The following N4BP2 variants were observed in gnomAD, a reference collection of about 807,000 sequenced individuals.
N4BP2 encodes the protein NEDD4-binding protein 2.
In N4BP2, 91 loss-of-function variants were observed where a neutral mutation model predicts 152.8. The observed-to-expected ratio is 0.60, with a 90% CI of 0.50 to 0.71. N4BP2 has a LOEUF of 0.71. Among genes scored for constraint, N4BP2 ranks in the 30% least tolerant of loss-of-function variants. N4BP2 has a pLI of 0.00. For missense variants in N4BP2, 1,923 were observed against 2,059.1 expected, an observed-to-expected ratio of 0.93 and a Z score of 1.28; for synonymous variants, 646 against 705.3, an observed-to-expected ratio of 0.92 and a Z score of 1.33.
the N4BP2 span, among the ~76,000 whole-genome samples, chr4:40,176,805 G>C: frequency 5.3e-5 from 8 of 152,218 alleles, no homozygotes; most frequent in Non-Finnish European, 1.2e-4. Context: ...AGTTCATGCT[G>C]TTTGCAGCAG....
chr4:40,129,834 AT>A, intron 12 of N4BP2, among the ~76,000 whole-genome samples: 1 of 152,246 alleles, frequency 6.6e-6, no homozygotes, highest in South Asian at 2.1e-4. Flanking sequence ...CTTTGTATAT[AT>A]TTTTTAAAGC....
chr4:40,119,508 T>A (rs758708120), intron 8 of N4BP2, among the ~76,000 whole-genome samples: 44 of 152,204 alleles, frequency 2.9e-4, no homozygotes, highest in Non-Finnish European at 5.0e-4. Context: ...TGGCCCTTTG[T>A]GACTTTGTAA....
chr4:40,121,312 A>C lies in N4BP2; in HGVS notation c.3201A>C (p.Pro1067=). 1 of 1,614,046 alleles carries C rather than the reference A, an allele frequency of 6.2e-7. No individual in the cohort carries two copies. The highest frequency in any genetic ancestry group is 1.3e-5 in the African/African-American group (1 of 75,066). The change falls in exon 9 of 18, where the codon CCA becomes CCC. Residue 1067 remains proline, a synonymous_variant. Transcript: ENST00000261435. The part of the protein sequence containing the change: ...NTKSDVQEAI[P]YRVMYDKSTF... Reference sequence around the variant, plus strand: ...AATCAGACGTTCAAGAAGCAATTCCATATAGAGTAATGTATGATAAAAGCA... The same window carrying C: ...AATCAGACGTTCAAGAAGCAATTCCCTATAGAGTAATGTATGATAAAAGCA...
the N4BP2 span, among the ~76,000 whole-genome samples, chr4:40,172,190 C>G: frequency 1.3e-5 from 2 of 152,156 alleles, no homozygotes; most frequent in Non-Finnish European, 2.9e-5. Flanking sequence ...CTGGAATTTA[C>G]TGGTGTGAGC....
At chr4:40,136,829 A>G in intron 13 of N4BP2, 115 bp from the exon 14 acceptor site, 1 of 740,642 alleles carries the variant, frequency 1.4e-6, no homozygotes, top group East Asian at 2.7e-5. Flanking sequence ...TTGAAAACTT[A>G]AAAGTAAGCC....
chr4:40,082,704 C>CT lies in N4BP2; in HGVS notation c.-115+9167dup, dbSNP rs573692053. 2.2e-3 allele frequency among the ~76,000 whole-genome samples: 311 copies of CT among 143,184 alleles called. 1 individual carries two copies. The highest frequency in any genetic ancestry group is 0.02 in the East Asian group (100 of 4,948). 93.9% of individuals were successfully genotyped at this position (143,184 alleles called of 152,430 possible). A position where few individuals can be genotyped will look rare whatever the true frequency, so the allele number is the denominator to read the frequency against. The stretch of plus-strand genomic sequence containing the variant: ...CTGGTGCTTAACCACAGGCTGTATT[C>CT]TTTTTTTTTTTTTTGAGACAGAGTC... On this transcript the variant is annotated intron_variant, in intron 2 of 17. Coordinates refer to ENST00000261435, the MANE Select transcript of N4BP2 (RefSeq NM_018177.6).
At chr4:40,117,762 T>C (rs1244942211) in intron 7 of N4BP2, 107 bp from the exon 8 acceptor site, 3 of 873,574 alleles carry the variant, frequency 3.4e-6, no homozygotes, top group South Asian at 2.5e-5. Context: ...AGCTTTGATA[T>C]TCGTATCTAT....
the N4BP2 span, among the ~76,000 whole-genome samples, chr4:40,170,074 G>C: frequency 6.6e-6 from 1 of 151,584 alleles, no homozygotes; most frequent in East Asian, 1.9e-4. Flanking sequence ...TGAAAAAAGA[G>C]AAACGTCTTA....
rs1263217788 is a variant in N4BP2, at chr4:40,121,335, G to A, written c.3224G>A (p.Ser1075Asn). The A allele has an allele frequency of 6.2e-7, 1 of 1,613,852 alleles. No homozygotes were observed. Among genetic ancestry groups the A allele is most frequent in the Admixed American group, 1.7e-5 (1 of 59,916 alleles). ...CCATATAGAGTAATGTATGATAAAA[G>A]CACGTTTGTTGAAGAAAGTGAGCTT... The part of the protein sequence containing the change: ...AIPYRVMYDK[S>N]TFVEESELTS... The change falls in exon 9 of 18, where the codon AGC becomes AAC. Residue 1075 changes from serine to asparagine, a missense_variant. Transcript: ENST00000261435.
At position 40,122,233 on chromosome 4, in the gene N4BP2, C is replaced by T; in HGVS notation, c.4122C>T (p.Asp1374=). Residue 1374 remains aspartate, a synonymous_variant, in exon 9 of 18, where the codon GAC becomes GAT. Coordinates refer to ENST00000261435, the MANE Select transcript of N4BP2 (RefSeq NM_018177.6). ...TPAMAKSLTI[D]CLELALPPEL... is the part of the protein sequence containing the mutation. ...CGATGGCCAAATCTCTGACCATAGA[C>T]TGTCTGGAATTGGCATTACCCCCTG... 1 of 1,611,588 alleles carries T rather than the reference C, an allele frequency of 6.2e-7. No homozygotes were observed. Among genetic ancestry groups the T allele is most frequent in the South Asian group, 1.1e-5 (1 of 90,814 alleles).
At chr4:40,098,143 G>A (rs1715273085) in intron 3 of N4BP2, among the ~76,000 whole-genome samples, 1 of 152,190 alleles carries the variant, frequency 6.6e-6, no homozygotes, top group Admixed American at 6.5e-5. Context: ...CATAATAGGA[G>A]CTAAGTAAAT....
chr4:40,140,416 G>A (rs913922999), intron 14 of N4BP2, among the ~76,000 whole-genome samples: 3 of 152,142 alleles, frequency 2.0e-5, no homozygotes, highest in African/African-American at 4.8e-5. Context: ...TAATATGCAA[G>A]GCACTGTGAG....
At position 40,120,345 on chromosome 4, in the gene N4BP2, T is replaced by C; in HGVS notation, c.2234T>C (p.Leu745Pro). 1 of 1,612,774 alleles carries C rather than the reference T, an allele frequency of 6.2e-7. No homozygotes were observed. The highest frequency in any genetic ancestry group is 1.1e-5 in the South Asian group (1 of 90,960). ...EDCDLANSGP[L>P]QNEKSSPGEI... Reference sequence around the variant, plus strand: ...TGTGATCTTGCAAATAGTGGACCACTTCAAAATGAAAAATCCTCACCTGGT... The same window carrying C: ...TGTGATCTTGCAAATAGTGGACCACCTCAAAATGAAAAATCCTCACCTGGT... Residue 745 changes from leucine to proline, a missense_variant, in exon 9 of 18, where the codon CTT (leucine) becomes CCT (proline). Physicochemically the swap from Leu to Pro is moderately conservative, Grantham distance 98. Transcript: ENST00000261435.
At chr4:40,146,016 G>T (rs1008561757) in intron 16 of N4BP2, among the ~76,000 whole-genome samples, 1 of 151,948 alleles carries the variant, frequency 6.6e-6, no homozygotes, top group Non-Finnish European at 1.5e-5. Context: ...ACAAAAATTA[G>T]CCAGGCATGG....
chr4:40,161,585 A>G (rs1721861022), downstream of N4BP2, among the ~76,000 whole-genome samples: 1 of 152,190 alleles, frequency 6.6e-6, no homozygotes, highest in African/African-American at 2.4e-5. Flanking sequence ...ATGTGGTTGT[A>G]TTTTTAAAAG....
rs756794041 is a variant in N4BP2 at position 40,117,919 on chromosome 4, A to G, written c.1715A>G (p.His572Arg). The G allele has an allele frequency of 1.9e-6, 3 of 1,612,898 alleles. No homozygotes were observed. The highest frequency in any genetic ancestry group is 1.7e-5 in the Admixed American group (1 of 59,858). The change falls in exon 8 of 18, where the codon CAT becomes CGT. Residue 572 changes from histidine to arginine, a missense_variant. Physicochemically the swap from His to Arg is conservative, Grantham distance 29. Transcript: ENST00000261435. ...SKEKITRMLE[H>R]YQRFVSVPII... is the part of the protein sequence containing the mutation. Reference sequence around the variant, plus strand: ...GAAAAAATAACAAGAATGTTGGAACATTATCAACGTTTTGTTTCAGTGCCA... The same window carrying G: ...GAAAAAATAACAAGAATGTTGGAACGTTATCAACGTTTTGTTTCAGTGCCA...
chr4:40,083,882 T>G lies in N4BP2; in HGVS notation c.-115+10331T>G, dbSNP rs570058116. ...AGTAGAAATTTGGGAGCTCCCACAC[T>G]TAAAACCAATCCACGACGCTACCTT... On this transcript the variant is annotated intron_variant, in intron 2 of 17. Coordinates refer to ENST00000261435, the MANE Select transcript of N4BP2 (RefSeq NM_018177.6). 1.9e-4 allele frequency among the ~76,000 whole-genome samples: 29 copies of G among 152,274 alleles called. No individual in the cohort carries two copies. The South Asian group carries it at 5.6e-3, about 29-fold the overall frequency.
chr4:40,157,580 C>T lies in N4BP2; in HGVS notation c.*3343C>T, dbSNP rs190216054. 42 of 152,098 alleles carry T rather than the reference C, an allele frequency of 2.8e-4. No individual in the cohort carries two copies. The highest frequency in any genetic ancestry group is 9.9e-4 in the African/African-American group (41 of 41,524). The allele number at this position is 152,098 out of a possible 1,614,324, so 9.4% of individuals were successfully genotyped here. ...AACTGCTCTCAATTTAAGAAAATGA[C>T]GAAATGTATAAAAAAGACAAAAATA... On this transcript the variant is annotated 3_prime_UTR_variant, in exon 18 of 18. Transcript: ENST00000261435.
In N4BP2 at chr4:40,106,983, T is replaced by C. The variant is rs372792952; in HGVS notation, c.1457T>C (p.Val486Ala). Reference sequence around the variant, plus strand: ...ATAAATGGACAGTACCAGTTTGATGTAAAGTACTTAGGAGAAGCACATGAA... The same window carrying C: ...ATAAATGGACAGTACCAGTTTGATGCAAAGTACTTAGGAGAAGCACATGAA... ...FYINGQYQFDVKYLGEAHEWN... is the reference protein window; with the variant it reads ...FYINGQYQFDAKYLGEAHEWN... The change falls in exon 5 of 18, where the codon GTA becomes GCA. Residue 486 changes from valine (V) to alanine (A), a missense_variant. Val to Ala is a moderately conservative substitution (Grantham distance 64, BLOSUM62 0). Transcript: ENST00000261435. 8.1e-6 allele frequency: 13 copies of C among 1,613,484 alleles called. No homozygotes were observed. Among genetic ancestry groups the C allele is most frequent in the Non-Finnish European group, 1.1e-5 (13 of 1,179,614 alleles).
Sources: allele counts gnomAD v4.1 joint callset (sites outside exome capture counted in the v4.1 genomes callset), GRCh38; gene constraint gnomAD v4.1.1; transcripts MANE v1.5; gene names NCBI Gene and HGNC (gene_info 2026-07-23, HGNC 2026-07-21).